Variants in TXNRD1 observed in about 807,000 individuals in gnomAD.
TXNRD1 encodes thioredoxin reductase 1, cytoplasmic.
A neutral mutation model predicts 80.3 loss-of-function variants in TXNRD1; 57 were observed. The ratio of observed to expected loss-of-function variants is 0.71; its 90% CI spans 0.57 to 0.89. The LOEUF (loss-of-function observed/expected upper bound fraction) is 0.89. TXNRD1 is among the 40% of genes least tolerant of loss of function. TXNRD1 has a pLI of 0.00. For missense variants in TXNRD1, 730 were observed against 803.0 expected (o/e 0.91, Z 1.10); for synonymous variants, 291 against 285.2 (o/e 1.02, Z -0.20).
At chr12:104,267,099 G>C (rs1034279625) in intron 3 of TXNRD1, among the ~76,000 whole-genome samples, 2 of 149,866 alleles carry the variant, frequency 1.3e-5, no homozygotes. Flanking sequence ...CCGGGAGGCA[G>C]AACTTGCAGT....
chr12:104,311,602 A>G (rs1028323241), intron 5 of TXNRD1, among the ~76,000 whole-genome samples, 190 bp downstream of exon 5: 3 of 152,236 alleles, frequency 2.0e-5, no homozygotes, highest in Non-Finnish European at 4.4e-5. Flanking sequence ...AGATTAAAAT[A>G]TACATTCCTT....
chr12:104,326,460 A>AT (rs371884469), intron 12 of TXNRD1, 37 bp downstream of exon 12: 70,383 of 535,330 alleles, frequency 0.13, 677 homozygotes, highest in East Asian at 0.18. Context: ...TATTTGTGGG[A>AT]TTTTTTTTTT....
intron 1 of TXNRD1, among the ~76,000 whole-genome samples, chr12:104,243,914 C>T (rs569674291): frequency 1.3e-5 from 2 of 152,308 alleles, no homozygotes; most frequent in South Asian, 4.1e-4. Flanking sequence ...GAAGTTCATT[C>T]ATTGTCCTGG....
At chr12:104,280,018 G>A (rs981610959) in intron 3 of TXNRD1, among the ~76,000 whole-genome samples, 7 of 133,782 alleles carry the variant, frequency 5.2e-5, no homozygotes, top group South Asian at 2.3e-4. Flanking sequence ...AGCTGAGATC[G>A]TGCCTCTGCA....
intron 3 of TXNRD1, chr12:104,265,647 G>C: frequency 6.2e-7 from 1 of 1,607,132 alleles, no homozygotes; most frequent in Admixed American, 1.7e-5. Context: ...ACCGAGACAT[G>C]GGTGCCCGGC....
chr12:104,255,956 A>G (rs922386429), intron 2 of TXNRD1, among the ~76,000 whole-genome samples: 2 of 152,192 alleles, frequency 1.3e-5, no homozygotes, highest in African/African-American at 4.8e-5. Context: ...TTAATTTTCG[A>G]TGTCTTTGGC....
chr12:104,334,103 C>T (rs890965340), intron 14 of TXNRD1, 134 bp from the exon 15 acceptor site: 3 of 418,918 alleles, frequency 7.2e-6, no homozygotes, highest in South Asian at 7.0e-5. Flanking sequence ...GACCAGATTC[C>T]TATTTATTCC....
chr12:104,282,345 C>T (rs954605780), intron 3 of TXNRD1, among the ~76,000 whole-genome samples: 1 of 152,222 alleles, frequency 6.6e-6, no homozygotes, highest in Admixed American at 6.5e-5. Flanking sequence ...GAATTACATT[C>T]TTGGAGCAAT....
chr12:104,269,399 CT>C (rs71069741), intron 3 of TXNRD1, among the ~76,000 whole-genome samples: 23,425 of 119,940 alleles, frequency 0.2, 1,755 homozygotes, highest in Non-Finnish European at 0.28. Flanking sequence ...GTGTTTCTTT[CT>C]TTTTTTTTTT....
At position 104,303,715 on chromosome 12, in the gene TXNRD1, C is replaced by CGCCGG. The variant is rs537343294; in HGVS notation, c.415-7565_415-7561dup. ...CGCGGAGCGTGCTGGGGGCGGGTCG[C>CGCCGG]GCCGGGCCGGGCCGCTAGTGCGCAT... On this transcript the variant is annotated intron_variant, in intron 4 of 16. Transcript: ENST00000525566. 151 of 733,816 alleles carry CGCCGG rather than the reference C, an allele frequency of 2.1e-4. No individual in the cohort carries two copies. In the African/African-American group the frequency reaches 2.4e-3, roughly 12 times the overall value. 45.5% of individuals were successfully genotyped at this position (733,816 alleles called of 1,614,324 possible). A position where few individuals can be genotyped will look rare whatever the true frequency, so the allele number is the denominator to read the frequency against.
chr12:104,311,168 A>T, intron 4 of TXNRD1, 122 bp from the exon 5 acceptor site: 1 of 1,117,476 alleles, frequency 8.9e-7, no homozygotes. Context: ...TGCTGTAATT[A>T]AACAGCATCT....
intron 3 of TXNRD1, among the ~76,000 whole-genome samples, chr12:104,277,268 C>T (rs925209429): frequency 6.7e-6 from 1 of 149,550 alleles, no homozygotes; most frequent in Non-Finnish European, 1.5e-5. Flanking sequence ...GGTGTGGTGG[C>T]GGGCGCCTAT....
rs568773207 is a variant in TXNRD1 at position 104,270,878 on chromosome 12, G to C, written c.304+12799G>C. Among the ~76,000 whole-genome samples, 17 of 152,282 alleles carry C rather than the reference G, an allele frequency of 1.1e-4. No individual in the cohort carries two copies. The South Asian group carries it at 3.3e-3, about 30-fold the overall frequency. ...TTGAAAGATTAACTAGCCGGGTGTG[G>C]TGGCTCACGCCTATAATCCCAGTAC... On this transcript the variant is annotated intron_variant, in intron 3 of 16. Transcript: ENST00000525566.
intron 7 of TXNRD1, among the ~76,000 whole-genome samples, chr12:104,317,250 G>T (rs1204054402): frequency 6.6e-6 from 1 of 152,008 alleles, no homozygotes; most frequent in Non-Finnish European, 1.5e-5. Context: ...TGAGCCTTTT[G>T]TAGTGGTGGT....
chr12:104,331,887 C>T (rs1222552632), intron 14 of TXNRD1, among the ~76,000 whole-genome samples: 1 of 151,868 alleles, frequency 6.6e-6, no homozygotes, highest in Non-Finnish European at 1.5e-5. Flanking sequence ...CCCCTAAATA[C>T]TTTATTGTGT....
At chr12:104,234,420 A>G (rs1165790924) in intron 1 of TXNRD1, among the ~76,000 whole-genome samples, 1 of 151,960 alleles carries the variant, frequency 6.6e-6, no homozygotes, top group Non-Finnish European at 1.5e-5. Flanking sequence ...TCAGCCTCCC[A>G]AGTAGCTGAG....
chr12:104,329,894 C>T (rs1376818010), intron 13 of TXNRD1, among the ~76,000 whole-genome samples: 4 of 152,172 alleles, frequency 2.6e-5, no homozygotes, highest in Non-Finnish European at 5.9e-5. Context: ...TGTCTCTGAG[C>T]AGTAAGCTGG....
At chr12:104,258,148 CTTTAA>C (rs769378844) in intron 3 of TXNRD1, 69 bp downstream of exon 3, 224 of 1,220,278 alleles carry the variant, frequency 1.8e-4, no homozygotes, top group Non-Finnish European at 2.4e-4. Context: ...TTCTATCTGG[CTTTAA>C]TTTGTCTTCC....
intron 1 of TXNRD1, among the ~76,000 whole-genome samples, chr12:104,227,388 A>G (rs2032496531): frequency 6.6e-6 from 1 of 152,010 alleles, no homozygotes; most frequent in Non-Finnish European, 1.5e-5. Context: ...GAGCCTCCTG[A>G]GTAGCTATGA....
Sources: allele counts gnomAD v4.1 joint callset (sites outside exome capture counted in the v4.1 genomes callset), GRCh38; gene constraint gnomAD v4.1.1; transcripts MANE v1.5; gene names NCBI Gene and HGNC (gene_info 2026-07-23, HGNC 2026-07-21).